The following NBAS variants were observed in gnomAD, a reference collection of about 807,000 sequenced individuals.
NBAS encodes NAG/BC035112 fusion.
In NBAS, 219 loss-of-function variants were observed where a neutral mutation model predicts 302.5. The observed-to-expected ratio is 0.72, with a 90% CI of 0.65 to 0.81. The LOEUF (loss-of-function observed/expected upper bound fraction) is 0.81, where lower values mean the gene tolerates loss of function less well. Among genes scored for constraint, NBAS ranks in the 30% least tolerant of loss-of-function variants. NBAS has a pLI of 0.00. For missense variants in NBAS, 2,932 were observed against 2,841.6 expected, an observed-to-expected ratio of 1.03 and a Z score of -0.72; for synonymous variants, 1,118 against 1,021.6, an observed-to-expected ratio of 1.09 and a Z score of -1.80.
chr2:15,253,029 A>G (rs902930043), intron 44 of NBAS, among the ~76,000 whole-genome samples: 1 of 152,180 alleles, frequency 6.6e-6, no homozygotes, highest in African/African-American at 2.4e-5. Flanking sequence ...CATGTGGAAG[A>G]AGGAGGGGAG....
At chr2:15,031,449 C>T in the NBAS span, among the ~76,000 whole-genome samples, 11 of 152,278 alleles carry the variant, frequency 7.2e-5, no homozygotes, top group South Asian at 1.7e-3. Context: ...GTTGAGGCCT[C>T]GAGACAATGA....
the NBAS span, among the ~76,000 whole-genome samples, chr2:15,029,686 GTGATGTAGCAGA>G: frequency 6.6e-5 from 10 of 152,222 alleles, no homozygotes; most frequent in Admixed American, 6.5e-4. Context: ...GTATAATCAG[GTGATGTAGCAGA>G]TGAGGAAGCC....
intron 48 of NBAS, among the ~76,000 whole-genome samples, chr2:15,206,799 C>T (rs1004859039): frequency 1.3e-5 from 2 of 152,214 alleles, no homozygotes; most frequent in Non-Finnish European, 2.9e-5. Context: ...ACAGAAGACA[C>T]AAGTTGAGTT....
Position 15,167,054 on chromosome 2 carries a change from C to G in NBAS, c.7110G>C (p.Trp2370Cys). The change falls in exon 52 of 52, where the codon TGG (tryptophan) becomes TGC (cysteine). Residue 2370 changes from tryptophan to cysteine, a missense_variant. Physicochemically the swap from Trp to Cys is radical, Grantham distance 215 (BLOSUM62 -2). Transcript: ENST00000281513. ...FSTALRAAQH[W>C]V ...GCAGGGCCACAGGTGGCCCTCACAC[C>G]CAGTGCTGTGCTGCGCGGAGGGCTG... is the stretch of plus-strand genomic sequence containing the variant. 2 of 1,561,226 alleles carry G rather than the reference C, an allele frequency of 1.3e-6. No homozygotes were observed. Among genetic ancestry groups the G allele is most frequent in the Middle Eastern group, 1.7e-4 (1 of 5,782 alleles).
chr2:15,247,080 G>T (rs189913175), intron 44 of NBAS, among the ~76,000 whole-genome samples: 1 of 152,292 alleles, frequency 6.6e-6, no homozygotes, highest in East Asian at 1.9e-4. Context: ...GGAATGTGAA[G>T]AGGTCACTAG....
chr2:15,235,419 T>C (rs192710381), intron 45 of NBAS, among the ~76,000 whole-genome samples: 1 of 152,262 alleles, frequency 6.6e-6, no homozygotes, highest in Non-Finnish European at 1.5e-5. Flanking sequence ...TACCAAATAA[T>C]TTAAGAAATA....
intron 31 of NBAS, among the ~76,000 whole-genome samples, chr2:15,373,176 A>C (rs190384077): frequency 1.7e-4 from 26 of 152,344 alleles, no homozygotes. Context: ...TTTTGAGCTC[A>C]AAAGTCACAT....
At chr2:15,473,024 A>G (rs1006458232) in intron 16 of NBAS, among the ~76,000 whole-genome samples, 198 bp downstream of exon 16, 1 of 152,222 alleles carries the variant, frequency 6.6e-6, no homozygotes, top group Non-Finnish European at 1.5e-5. Context: ...ATTTGTTCAC[A>G]TGTATTCAGC....
chr2:15,473,988 T>C, intron 15 of NBAS, 79 bp downstream of exon 15: 4 of 1,568,864 alleles, frequency 2.5e-6, no homozygotes, highest in Non-Finnish European at 3.5e-6. Flanking sequence ...TTTTCTCCTT[T>C]ATTAAAAAAT....
chr2:15,033,035 C>A, the NBAS span, among the ~76,000 whole-genome samples: 1 of 152,214 alleles, frequency 6.6e-6, no homozygotes, highest in Non-Finnish European at 1.5e-5. Flanking sequence ...TACTATCCAG[C>A]AGAACCCTGG....
At chr2:14,783,572 T>C in the NBAS span, among the ~76,000 whole-genome samples, 56 of 149,548 alleles carry the variant, frequency 3.7e-4, no homozygotes, top group Admixed American at 8.7e-4. Context: ...CATGCGGTGT[T>C]TGGTTTTTTG....
In NBAS at chr2:15,530,916, G is replaced by A. The variant is rs114334290; in HGVS notation, c.746+3627C>T. On this transcript the variant is annotated intron_variant, in intron 9 of 51. Coordinates refer to ENST00000281513, the MANE Select transcript of NBAS (RefSeq NM_015909.4). ...AAAAAAGAAAATCTTAGATCTCAGA[G>A]AGGAAGACGACAAAAAGCAGAGAAA... Among the ~76,000 whole-genome samples the A allele has an allele frequency of 5.4e-3, 823 of 152,050 alleles. 7 individuals carry two copies. The highest frequency in any genetic ancestry group is 0.019 in the African/African-American group (784 of 41,496).
At chr2:15,119,164 T>C in the NBAS span, among the ~76,000 whole-genome samples, 1 of 152,072 alleles carries the variant, frequency 6.6e-6, no homozygotes, top group Non-Finnish European at 1.5e-5. Context: ...CCCATGGCAC[T>C]GAGCAGGGAG....
At chr2:14,856,356 ATAAT>A in the NBAS span, among the ~76,000 whole-genome samples, 1 of 152,222 alleles carries the variant, frequency 6.6e-6, no homozygotes, top group African/African-American at 2.4e-5. Flanking sequence ...AGTGAAGACT[ATAAT>A]TAATATATGA....
the NBAS span, among the ~76,000 whole-genome samples, chr2:14,818,300 G>A: frequency 1.3e-5 from 2 of 152,168 alleles, no homozygotes; most frequent in Non-Finnish European, 2.9e-5. Flanking sequence ...TTGTACATGT[G>A]AAGGGGTGTG....
At chr2:15,495,541 A>G (rs1681034431) in intron 11 of NBAS, among the ~76,000 whole-genome samples, 1 of 152,130 alleles carries the variant, frequency 6.6e-6, no homozygotes, top group South Asian at 2.1e-4. Context: ...AGTTTTTTTT[A>G]AAAAGCCATA....
chr2:15,374,215 T>A (rs1674624928), intron 31 of NBAS, among the ~76,000 whole-genome samples: 1 of 152,152 alleles, frequency 6.6e-6, no homozygotes. Context: ...AAAAAACTAT[T>A]TTTATTTATA....
At chr2:14,795,588 C>A in the NBAS span, among the ~76,000 whole-genome samples, 2 of 152,018 alleles carry the variant, frequency 1.3e-5, no homozygotes, top group Non-Finnish European at 2.9e-5. Flanking sequence ...GAGAGAATTT[C>A]TTAACTTTAT....
At chr2:14,955,990 T>C in the NBAS span, among the ~76,000 whole-genome samples, 7 of 152,316 alleles carry the variant, frequency 4.6e-5, no homozygotes, top group South Asian at 1.0e-3. Flanking sequence ...TTCTTTTATA[T>C]TGCATTGTCA....
Sources: gnomAD v4.1 joint callset for allele counts (sites outside exome capture counted in the v4.1 genomes callset) on GRCh38, gnomAD v4.1.1 for gene constraint, MANE v1.5 for transcripts, NCBI Gene and HGNC (gene_info 2026-07-23, HGNC 2026-07-21) for gene names.